The following ARHGAP15 variants were observed in gnomAD, a reference collection of about 807,000 sequenced individuals.
The protein encoded by ARHGAP15 is Rho GTPase activating protein 15, also known as rho GTPase-activating protein 15.
In ARHGAP15, 51 loss-of-function variants were observed where a neutral mutation model predicts 63.7. That is an observed-to-expected ratio of 0.80 (90% CI 0.64 to 1.01). ARHGAP15 has a LOEUF of 1.01. Among genes scored for constraint, ARHGAP15 ranks in the 50% least tolerant of loss-of-function variants. ARHGAP15 has a pLI of 0.00. For synonymous variants in ARHGAP15, 191 were observed against 193.8 expected, an observed-to-expected ratio of 0.99 and a Z score of 0.12; for missense variants, 560 against 564.6, an observed-to-expected ratio of 0.99 and a Z score of 0.08.
intron 11 of ARHGAP15, chr2:143,608,107 T>G (rs1159203961): frequency 1.3e-5 from 2 of 152,188 alleles, no homozygotes; most frequent in Non-Finnish European, 2.9e-5. Context: ...AAAATGTCAC[T>G]TCAACTAATG....
intron 9 of ARHGAP15, among the ~76,000 whole-genome samples, chr2:143,497,411 A>G (rs2104924239): frequency 6.6e-6 from 1 of 152,314 alleles, no homozygotes; most frequent in Non-Finnish European, 1.5e-5. Flanking sequence ...TGATGAGAAG[A>G]AAAAGATGCA....
chr2:143,430,219 T>A (rs1225211104), intron 6 of ARHGAP15, among the ~76,000 whole-genome samples: 1 of 151,056 alleles, frequency 6.6e-6, no homozygotes, highest in Non-Finnish European at 1.5e-5. Flanking sequence ...TTACTTAACA[T>A]CTAGCAACAT....
chr2:143,366,627 T>C (rs1459166460), intron 6 of ARHGAP15, among the ~76,000 whole-genome samples: 2 of 152,102 alleles, frequency 1.3e-5, no homozygotes, highest in Middle Eastern at 3.2e-3. Context: ...GATTAATGCC[T>C]TCTAGACTAA....
intron 11 of ARHGAP15, among the ~76,000 whole-genome samples, chr2:143,589,106 CA>C (rs1445349361): frequency 6.6e-6 from 1 of 152,166 alleles, no homozygotes; most frequent in African/African-American, 2.4e-5. Context: ...GCATCACTTG[CA>C]ATCAAATTAT....
chr2:143,200,260 C>T (rs1692055612), intron 2 of ARHGAP15, among the ~76,000 whole-genome samples: 1 of 152,028 alleles, frequency 6.6e-6, no homozygotes, highest in African/African-American at 2.4e-5. Context: ...GTGAAGCGAA[C>T]ATTGGGGAAA....
intron 2 of ARHGAP15, among the ~76,000 whole-genome samples, chr2:143,199,906 G>C (rs1574081365): frequency 1.3e-5 from 2 of 152,068 alleles, no homozygotes; most frequent in African/African-American, 4.8e-5. Context: ...TACGGGAGGG[G>C]TGGGGAGACA....
At chr2:143,138,974 A>T (rs1035288844) in intron 1 of ARHGAP15, among the ~76,000 whole-genome samples, 4 of 152,030 alleles carry the variant, frequency 2.6e-5, no homozygotes, top group Admixed American at 1.3e-4. Flanking sequence ...TGTGGCTCAT[A>T]TTATATTTCT....
chr2:143,314,082 G>A (rs1683584275), intron 6 of ARHGAP15, among the ~76,000 whole-genome samples: 1 of 151,408 alleles, frequency 6.6e-6, no homozygotes, highest in Admixed American at 6.6e-5. Flanking sequence ...CATGCTTTAT[G>A]ACATTGCTAT....
At chr2:143,657,704 C>T (rs1681528982) in intron 12 of ARHGAP15, among the ~76,000 whole-genome samples, 1 of 152,180 alleles carries the variant, frequency 6.6e-6, no homozygotes, top group Admixed American at 6.5e-5. Flanking sequence ...AGTCATTCCA[C>T]CTATGTCTAT....
chr2:143,343,791 A>G (rs1301629210), intron 6 of ARHGAP15, among the ~76,000 whole-genome samples: 1 of 152,100 alleles, frequency 6.6e-6, no homozygotes, highest in Non-Finnish European at 1.5e-5. Flanking sequence ...GCCTCTTACT[A>G]TTTCTGCAAC....
chr2:143,469,427 C>T (rs1193028860), intron 8 of ARHGAP15, among the ~76,000 whole-genome samples: 1 of 152,206 alleles, frequency 6.6e-6, no homozygotes, highest in Non-Finnish European at 1.5e-5. Context: ...CTTATACACC[C>T]CTGCCCACTG....
At chr2:143,613,130 TC>T (rs1465674150) in intron 11 of ARHGAP15, among the ~76,000 whole-genome samples, 2 of 151,130 alleles carry the variant, frequency 1.3e-5, no homozygotes, top group Non-Finnish European at 2.9e-5. Context: ...TAAATGGAGA[TC>T]AAAGAAAGAT....
chr2:143,466,941 T>C (rs1432543307), intron 8 of ARHGAP15, among the ~76,000 whole-genome samples: 2 of 152,118 alleles, frequency 1.3e-5, no homozygotes, highest in East Asian at 3.8e-4. Flanking sequence ...AAAATTCATA[T>C]GGTTTTCCTT....
At chr2:143,662,004 C>T (rs1225528231) in intron 12 of ARHGAP15, among the ~76,000 whole-genome samples, 2 of 152,374 alleles carry the variant, frequency 1.3e-5, no homozygotes, top group Non-Finnish European at 2.9e-5. Context: ...GGGGCGCCCG[C>T]CATTGCCCAG....
chr2:143,673,766 A>ATG (rs1682678892), intron 12 of ARHGAP15, among the ~76,000 whole-genome samples: 1 of 93,668 alleles, frequency 1.1e-5, no homozygotes, highest in African/African-American at 3.1e-5. Context: ...GTGTATATAT[A>ATG]TATATATATA....
intron 13 of ARHGAP15, among the ~76,000 whole-genome samples, chr2:143,739,882 C>T (rs145611060): frequency 6.6e-6 from 1 of 152,260 alleles, no homozygotes; most frequent in African/African-American, 2.4e-5. Flanking sequence ...TGATCATTCT[C>T]CCCACACCCC....
intron 6 of ARHGAP15, among the ~76,000 whole-genome samples, chr2:143,321,532 G>T (rs1220672170): frequency 2.0e-5 from 3 of 152,166 alleles, no homozygotes; most frequent in Non-Finnish European, 4.4e-5. Context: ...GCCTTGCCGT[G>T]GTCACCTGCC....
intron 12 of ARHGAP15, among the ~76,000 whole-genome samples, chr2:143,642,909 A>G (rs956493609): frequency 6.6e-6 from 1 of 152,154 alleles, no homozygotes; most frequent in Admixed American, 6.5e-5. Flanking sequence ...TGGAGACAGC[A>G]GTAGGAAACA....
rs74974806 is a variant in ARHGAP15 at position 143,543,721 on chromosome 2, C to A, written c.926-12687C>A. ...TTTCCACAAGTCTTTCAATGTAGAT[C>A]TATGTGACAAAATCCCCCAGAAGCT... On this transcript the variant is annotated intron_variant, in intron 10 of 13. Coordinates refer to ENST00000295095, the MANE Select transcript of ARHGAP15 (RefSeq NM_018460.4). Among the ~76,000 whole-genome samples the A allele has an allele frequency of 5.3e-4, 81 of 152,086 alleles. No homozygotes were observed. The East Asian group carries it at 0.015, about 29-fold the overall frequency.
Sources: gnomAD v4.1 joint callset for allele counts (sites outside exome capture counted in the v4.1 genomes callset) on GRCh38, gnomAD v4.1.1 for gene constraint, MANE v1.5 for transcripts, NCBI Gene and HGNC (gene_info 2026-07-23, HGNC 2026-07-21) for gene names.